SLC35F3: variants seen among roughly 807,000 people sequenced by gnomAD.
SLC35F3 encodes putative thiamine transporter SLC35F3.
SLC35F3 carries 25 observed loss-of-function variants against 49.9 expected under a neutral mutation model. The ratio of observed to expected loss-of-function variants is 0.50; its 90% CI spans 0.37 to 0.70. The LOEUF is 0.70. Ranked by LOEUF, SLC35F3 falls within the 30% of genes least tolerant of loss-of-function variation. The probability of loss-of-function intolerance (pLI) is 0.00; values close to 1 mark genes in which losing one functional copy is unlikely to be tolerated. For missense variants in SLC35F3, 525 were observed against 639.8 expected, an observed-to-expected ratio of 0.82 and a Z score of 1.94; for synonymous variants, 275 against 265.4, an observed-to-expected ratio of 1.04 and a Z score of -0.35.
At chr1:234,068,391 G>A (rs1038405869) in intron 2 of SLC35F3, among the ~76,000 whole-genome samples, 5 of 152,154 alleles carry the variant, frequency 3.3e-5, no homozygotes, top group African/African-American at 1.2e-4. Flanking sequence ...TGTGAAAGGT[G>A]CAAAGGTAAG....
intron 2 of SLC35F3, among the ~76,000 whole-genome samples, chr1:233,910,509 G>A (rs757671100): frequency 2.0e-5 from 3 of 152,202 alleles, no homozygotes; most frequent in Non-Finnish European, 2.9e-5. Flanking sequence ...AGAGAGAGAA[G>A]TGCTGGAAGA....
intron 2 of SLC35F3, among the ~76,000 whole-genome samples, chr1:234,117,876 A>T (rs1665512904): frequency 6.7e-6 from 1 of 148,536 alleles, no homozygotes; most frequent in Non-Finnish European, 1.5e-5. Flanking sequence ...ACAGAGTGAG[A>T]CTCTGTCTCA....
At chr1:233,954,924 A>G (rs1662671739) in intron 2 of SLC35F3, among the ~76,000 whole-genome samples, 1 of 151,712 alleles carries the variant, frequency 6.6e-6, no homozygotes, top group Admixed American at 6.6e-5. Context: ...GCTCACTGCA[A>G]CCTCTGCTTC....
At chr1:234,137,077 A>G (rs534319599) in intron 2 of SLC35F3, among the ~76,000 whole-genome samples, 40 of 152,350 alleles carry the variant, frequency 2.6e-4, no homozygotes, top group African/African-American at 8.2e-4. Context: ...TGGAAGCACC[A>G]TGAGTGAACT....
At chr1:234,097,281 T>C (rs922988713) in intron 2 of SLC35F3, among the ~76,000 whole-genome samples, 1 of 152,162 alleles carries the variant, frequency 6.6e-6, no homozygotes, top group South Asian at 2.1e-4. Flanking sequence ...AGTGTTCCCT[T>C]TTCACCACTA....
chr1:234,132,647 A>G (rs1665752703), intron 2 of SLC35F3, among the ~76,000 whole-genome samples: 1 of 152,218 alleles, frequency 6.6e-6, no homozygotes, highest in Admixed American at 6.5e-5. Flanking sequence ...TTTTTAATTT[A>G]TGGATTAACT....
chr1:234,114,464 T>C (rs1454871656), intron 2 of SLC35F3, among the ~76,000 whole-genome samples: 1 of 152,232 alleles, frequency 6.6e-6, no homozygotes, highest in Non-Finnish European at 1.5e-5. Context: ...TGAAAGGTTC[T>C]ATTTTAATGG....
At chr1:234,288,064 T>C (rs995544102) in intron 3 of SLC35F3, among the ~76,000 whole-genome samples, 37 of 151,940 alleles carry the variant, frequency 2.4e-4, no homozygotes, top group East Asian at 1.5e-3. Flanking sequence ...TTTTGTATTT[T>C]TTGTGGAGAC....
intron 2 of SLC35F3, among the ~76,000 whole-genome samples, chr1:233,926,860 C>T (rs1662168271): frequency 6.6e-6 from 1 of 152,118 alleles, no homozygotes; most frequent in Non-Finnish European, 1.5e-5. Context: ...CTATTCCTTT[C>T]TGCTTGTTAG....
chr1:233,983,652 C>T (rs1663220809), intron 2 of SLC35F3, among the ~76,000 whole-genome samples: 1 of 152,142 alleles, frequency 6.6e-6, no homozygotes, highest in African/African-American at 2.4e-5. Context: ...CCTTGCTAGC[C>T]ATCATTACCA....
intron 3 of SLC35F3, among the ~76,000 whole-genome samples, chr1:234,303,999 ATCCT>A (rs745697175): frequency 1.6e-3 from 204 of 125,416 alleles, no homozygotes; most frequent in East Asian, 5.1e-3. Flanking sequence ...TCCTAATTTT[ATCCT>A]TCCTTCCTTC....
chr1:234,271,343 G>C (rs565389535), intron 3 of SLC35F3, among the ~76,000 whole-genome samples: 9 of 151,484 alleles, frequency 5.9e-5, no homozygotes, highest in Non-Finnish European at 1.2e-4. Flanking sequence ...CCTATAGTAT[G>C]ATGAGTCATT....
intron 2 of SLC35F3, among the ~76,000 whole-genome samples, chr1:233,933,785 G>A (rs1233657495): frequency 2.6e-5 from 4 of 152,184 alleles, no homozygotes; most frequent in African/African-American, 4.8e-5. Flanking sequence ...AGGCGTAGGC[G>A]CAGGCTGCAG....
intron 2 of SLC35F3, among the ~76,000 whole-genome samples, chr1:234,177,230 A>G (rs1001572077): frequency 6.6e-6 from 1 of 152,156 alleles, no homozygotes; most frequent in African/African-American, 2.4e-5. Flanking sequence ...GCCTTCCACC[A>G]TGATTGTGAG....
At chr1:234,140,001 A>AAATAAAAAAAAT (rs1489476462) in intron 2 of SLC35F3, among the ~76,000 whole-genome samples, 29 of 142,278 alleles carry the variant, frequency 2.0e-4, no homozygotes, top group African/African-American at 6.9e-4. Flanking sequence ...AAATAAAATA[A>AAATAAAAAAAAT]AGTAAGTGAC....
intron 3 of SLC35F3, among the ~76,000 whole-genome samples, chr1:234,268,001 TC>T (rs200724084): frequency 0.18 from 25,922 of 146,402 alleles, 3,318 homozygotes; most frequent in East Asian, 0.65. Context: ...GCTCCTCACA[TC>T]CCAGACGATG....
intron 4 of SLC35F3, among the ~76,000 whole-genome samples, chr1:234,312,526 C>T (rs1345114094): frequency 1.3e-5 from 2 of 152,178 alleles, no homozygotes; most frequent in African/African-American, 4.8e-5. Flanking sequence ...TGGGGGGCTG[C>T]CCTCTGCAAC....
intron 3 of SLC35F3, among the ~76,000 whole-genome samples, chr1:234,282,745 C>T (rs892064771): frequency 2.0e-5 from 3 of 152,210 alleles, no homozygotes; most frequent in Non-Finnish European, 2.9e-5. Context: ...GACCCAAATC[C>T]GAACTCCTCC....
intron 2 of SLC35F3, among the ~76,000 whole-genome samples, chr1:234,093,919 C>T (rs1469828085): frequency 6.6e-6 from 1 of 152,248 alleles, no homozygotes; most frequent in Non-Finnish European, 1.5e-5. Context: ...TCTGCAGCTG[C>T]AGGATGTTTT....
Sources: gnomAD v4.1 joint callset for allele counts (sites outside exome capture counted in the v4.1 genomes callset) on GRCh38, gnomAD v4.1.1 for gene constraint, MANE v1.5 for transcripts, NCBI Gene and HGNC (gene_info 2026-07-23, HGNC 2026-07-21) for gene names.